The following CCDC7 variants were observed in gnomAD, a reference collection of about 807,000 sequenced individuals.
CCDC7 encodes coiled-coil domain-containing protein 7.
Under a neutral mutation model 196.9 loss-of-function variants are expected in CCDC7, and 183 were observed. That is an observed-to-expected ratio of 0.93 (90% CI 0.82 to 1.05). CCDC7 has a LOEUF of 1.05. Among genes scored for constraint, CCDC7 ranks in the 50% least tolerant of loss-of-function variants. The pLI is 0.00. For missense variants in CCDC7, 1,540 were observed against 1,482.2 expected (o/e 1.04, Z -0.64); for synonymous variants, 525 against 484.6 (o/e 1.08, Z -1.10).
At chr10:32,794,677 G>A (rs1234238820) in intron 29 of CCDC7, among the ~76,000 whole-genome samples, 1 of 152,094 alleles carries the variant, frequency 6.6e-6, no homozygotes, top group Non-Finnish European at 1.5e-5. Flanking sequence ...TAATATTAGT[G>A]ATAATGAGCA....
At chr10:32,708,603 A>G (rs543949226) in intron 24 of CCDC7, among the ~76,000 whole-genome samples, 7 of 152,284 alleles carry the variant, frequency 4.6e-5, no homozygotes, top group African/African-American at 1.7e-4. Context: ...AGAATCTATA[A>G]GAACTTAAAC....
intron 11 of CCDC7, among the ~76,000 whole-genome samples, chr10:32,537,840 C>T (rs2050773370): frequency 6.6e-6 from 1 of 152,018 alleles, no homozygotes; most frequent in African/African-American, 2.4e-5. Context: ...CTATTCTGTT[C>T]CATTGGCCTA....
intron 28 of CCDC7, among the ~76,000 whole-genome samples, chr10:32,740,762 G>A (rs928581158): frequency 6.6e-6 from 1 of 151,848 alleles, no homozygotes; most frequent in Non-Finnish European, 1.5e-5. Context: ...TTTTAATAAA[G>A]GATTAAAACT....
chr10:32,688,680 C>T, intron 22 of CCDC7, among the ~76,000 whole-genome samples: 1 of 152,168 alleles, frequency 6.6e-6, no homozygotes, highest in Non-Finnish European at 1.5e-5. Context: ...CTTTACTCAA[C>T]AGATCTATGC....
chr10:32,820,707 A>T (rs1407416708), intron 31 of CCDC7, among the ~76,000 whole-genome samples: 1 of 152,146 alleles, frequency 6.6e-6, no homozygotes, highest in Non-Finnish European at 1.5e-5. Context: ...CAAAAACAAG[A>T]AATGGGGAAA....
intron 21 of CCDC7, among the ~76,000 whole-genome samples, chr10:32,681,699 G>T (rs2075868385): frequency 6.6e-6 from 1 of 150,608 alleles, no homozygotes; most frequent in African/African-American, 2.5e-5. Context: ...CAAAAGCAGG[G>T]TTGGCCTGAA....
intron 11 of CCDC7, among the ~76,000 whole-genome samples, chr10:32,526,008 T>G (rs2048619830): frequency 6.6e-6 from 1 of 152,054 alleles, no homozygotes; most frequent in Non-Finnish European, 1.5e-5. Context: ...TCCTTCAGGG[T>G]GGTGTGTTCC....
At chr10:32,577,217 C>G (rs1418141638) in intron 16 of CCDC7, among the ~76,000 whole-genome samples, 3 of 152,008 alleles carry the variant, frequency 2.0e-5, no homozygotes, top group African/African-American at 7.3e-5. Flanking sequence ...CAAAAATTAG[C>G]TGGGCATGGT....
chr10:32,675,733 G>T (rs965929850), intron 21 of CCDC7: 2 of 152,264 alleles, frequency 1.3e-5, no homozygotes, highest in African/African-American at 4.8e-5. Flanking sequence ...TGAAATAAAA[G>T]AGGATACAAA....
At chr10:32,531,826 A>G (rs1007719102) in intron 11 of CCDC7, among the ~76,000 whole-genome samples, 2 of 152,084 alleles carry the variant, frequency 1.3e-5, no homozygotes, top group African/African-American at 4.8e-5. Flanking sequence ...AGGTATTCCA[A>G]TTTGTTGACT....
chr10:32,714,414 G>T (rs992788093), intron 25 of CCDC7, among the ~76,000 whole-genome samples: 1 of 152,222 alleles, frequency 6.6e-6, no homozygotes, highest in Non-Finnish European at 1.5e-5. Context: ...CGCAGACCAG[G>T]AGATTCCTTT....
chr10:32,856,382 A>G (rs1281361044), intron 41 of CCDC7, among the ~76,000 whole-genome samples: 1 of 152,162 alleles, frequency 6.6e-6, no homozygotes, highest in Non-Finnish European at 1.5e-5. Flanking sequence ...ACAGAACTCA[A>G]TTTTAAAATG....
intron 41 of CCDC7, among the ~76,000 whole-genome samples, chr10:32,875,521 G>C (rs1018444198): frequency 6.6e-6 from 1 of 151,968 alleles, no homozygotes; most frequent in East Asian, 1.9e-4. Flanking sequence ...GTACCATGCT[G>C]TTTTGGTTAC....
intron 3 of CCDC7, among the ~76,000 whole-genome samples, chr10:32,461,658 C>T (rs1255618060): frequency 6.9e-6 from 1 of 145,730 alleles, no homozygotes. Flanking sequence ...TAATGCTCCT[C>T]TGAAAGGAAT....
At chr10:32,814,225 TG>T in intron 30 of CCDC7, 144 bp from the exon 32 acceptor site, 1 of 560,524 alleles carries the variant, frequency 1.8e-6, no homozygotes, top group Non-Finnish European at 3.2e-6. Flanking sequence ...CCCAAAGTGC[TG>T]GGATTACAGG....
intron 20 of CCDC7, among the ~76,000 whole-genome samples, chr10:32,636,304 G>C (rs1451349139): frequency 6.6e-6 from 1 of 152,066 alleles, no homozygotes; most frequent in Non-Finnish European, 1.5e-5. Context: ...ATGTATACAT[G>C]TGCCATGTTT....
At chr10:32,587,479 C>G (rs1236172871) in intron 18 of CCDC7, among the ~76,000 whole-genome samples, 1 of 152,128 alleles carries the variant, frequency 6.6e-6, no homozygotes, top group Non-Finnish European at 1.5e-5. Flanking sequence ...TGGCATTAAT[C>G]TATTCATGAG....
intron 41 of CCDC7, among the ~76,000 whole-genome samples, chr10:32,865,312 A>C (rs770797050): frequency 6.6e-6 from 1 of 151,790 alleles, no homozygotes; most frequent in African/African-American, 2.4e-5. Context: ...TATACAAAGG[A>C]CACACAAATG....
intron 16 of CCDC7, among the ~76,000 whole-genome samples, chr10:32,573,815 A>G (rs983109874): frequency 6.6e-6 from 1 of 152,214 alleles, no homozygotes; most frequent in Non-Finnish European, 1.5e-5. Context: ...CTAATGAGGA[A>G]ACACTGACTG....
Sources: gnomAD v4.1 joint callset for allele counts (sites outside exome capture counted in the v4.1 genomes callset) on GRCh38, gnomAD v4.1.1 for gene constraint, MANE v1.5 for transcripts, NCBI Gene and HGNC (gene_info 2026-07-23, HGNC 2026-07-21) for gene names.